CYP4Z1: variants seen among roughly 807,000 people sequenced by gnomAD.
CYP4Z1 encodes the protein cytochrome P450 4Z1.
A neutral mutation model predicts 54.2 loss-of-function variants in CYP4Z1; 41 were observed. The observed-to-expected ratio is 0.76, with a 90% CI of 0.59 to 0.98. The LOEUF is 0.98. Among genes scored for constraint, CYP4Z1 ranks in the 50% least tolerant of loss-of-function variants. The probability of loss-of-function intolerance (pLI) is 0.00; values close to 1 mark genes in which losing one functional copy is unlikely to be tolerated. For missense variants in CYP4Z1, 513 were observed against 599.0 expected (o/e 0.86, Z 1.50); for synonymous variants, 163 against 206.2 (o/e 0.79, Z 1.79).
At chr1:47,115,197 C>A (rs1644820892) in intron 9 of CYP4Z1, among the ~76,000 whole-genome samples, 1 of 151,628 alleles carries the variant, frequency 6.6e-6, no homozygotes, top group Admixed American at 6.6e-5. Flanking sequence ...ATCGCAAGGA[C>A]AAAAAACCAA....
intron 6 of CYP4Z1, among the ~76,000 whole-genome samples, chr1:47,094,349 T>A (rs1485668096): frequency 2.0e-5 from 3 of 152,176 alleles, no homozygotes; most frequent in African/African-American, 7.2e-5. Flanking sequence ...CATTTAAACA[T>A]CCTTATTTGA....
chr1:47,098,638 G>A (rs1644698069), intron 7 of CYP4Z1, among the ~76,000 whole-genome samples: 1 of 152,016 alleles, frequency 6.6e-6, no homozygotes, highest in Admixed American at 6.5e-5. Context: ...TAAATCATGA[G>A]CTTTCCCTTT....
chr1:47,057,335 A>AAAAAAAAAATAT, the CYP4Z1 span, among the ~76,000 whole-genome samples: 115 of 28,396 alleles, frequency 4.0e-3, 1 homozygote, highest in Middle Eastern at 0.023. Context: ...AAGAAAAAAA[A>AAAAAAAAAATAT]ATATATATAT....
At chr1:47,073,836 T>C (rs1194779606) in intron 2 of CYP4Z1, among the ~76,000 whole-genome samples, 4 of 152,168 alleles carry the variant, frequency 2.6e-5, no homozygotes, top group Admixed American at 6.5e-5. Flanking sequence ...TAAATATATA[T>C]AGTACACAAG....
At chr1:47,055,548 C>T in the CYP4Z1 span, among the ~76,000 whole-genome samples, 9 of 152,140 alleles carry the variant, frequency 5.9e-5, no homozygotes, top group Non-Finnish European at 1.2e-4. Flanking sequence ...CCATCTGGTC[C>T]TGGACTTTTT....
intron 9 of CYP4Z1, among the ~76,000 whole-genome samples, chr1:47,112,763 A>C (rs1386494934): frequency 2.0e-5 from 3 of 152,094 alleles, no homozygotes; most frequent in Non-Finnish European, 4.4e-5. Flanking sequence ...AAAACAGTGC[A>C]TCATGGCCAA....
rs1041015539 is a variant in CYP4Z1, at chr1:47,067,274, C to T, written c.-217C>T. On this transcript the variant is annotated 5_prime_UTR_variant, in exon 1 of 12. Transcript: ENST00000334194. ...ATGCACATGGCTCCTATCTGAAAAT[C>T]TTGTTCTTCTAGAATCCAGGTCTGC... is the stretch of plus-strand genomic sequence containing the variant. 1.3e-5 allele frequency among the ~76,000 whole-genome samples: 2 copies of T among 152,154 alleles called. No individual in the cohort carries two copies. The highest frequency in any genetic ancestry group is 4.8e-5 in the African/African-American group (2 of 41,448).
At chr1:47,098,926 G>A (rs943199546) in intron 7 of CYP4Z1, among the ~76,000 whole-genome samples, 168 bp from the exon 8 acceptor site, 1 of 152,066 alleles carries the variant, frequency 6.6e-6, no homozygotes, top group African/African-American at 2.4e-5. Flanking sequence ...TACATTGCCT[G>A]GTGTTCTGTT....
intron 10 of CYP4Z1, 82 bp downstream of exon 10, chr1:47,115,675 G>T (rs911036702): frequency 1.1e-4 from 140 of 1,300,932 alleles, no homozygotes; most frequent in Non-Finnish European, 1.4e-4. Flanking sequence ...TGAGAGAGCA[G>T]TTAGGATAAC....
At chr1:47,094,086 T>C (rs1644658889) in intron 6 of CYP4Z1, among the ~76,000 whole-genome samples, 1 of 152,192 alleles carries the variant, frequency 6.6e-6, no homozygotes, top group African/African-American at 2.4e-5. Flanking sequence ...CCTTGTCTTG[T>C]TCCAGTTCTC....
chr1:47,106,741 G>A (rs1175086361), intron 9 of CYP4Z1, among the ~76,000 whole-genome samples: 3 of 152,146 alleles, frequency 2.0e-5, no homozygotes, highest in Non-Finnish European at 2.9e-5. Flanking sequence ...GATGTAGCCA[G>A]ATCATAGAGT....
chr1:47,059,032 A>G, the CYP4Z1 span, among the ~76,000 whole-genome samples: 1,435 of 152,308 alleles, frequency 9.4e-3, 11 homozygotes, highest in African/African-American at 0.032. Flanking sequence ...AAAGGCTAAT[A>G]TAATACAATA....
At chr1:47,057,359 T>C in the CYP4Z1 span, among the ~76,000 whole-genome samples, 2 of 109,550 alleles carry the variant, frequency 1.8e-5, no homozygotes, top group Non-Finnish European at 3.7e-5. Flanking sequence ...TATATATATA[T>C]ATATATATAT....
At chr1:47,067,955 C>T (rs1644462660) in intron 1 of CYP4Z1, among the ~76,000 whole-genome samples, 1 of 152,160 alleles carries the variant, frequency 6.6e-6, no homozygotes, top group Admixed American at 6.5e-5. Context: ...AGGCCAAGGT[C>T]TTTACTATTC....
intron 1 of CYP4Z1, 97 bp from the exon 2 acceptor site, chr1:47,068,525 C>T: frequency 6.8e-7 from 1 of 1,480,160 alleles, no homozygotes; most frequent in Admixed American, 1.9e-5. Context: ...GGGGTGGTGT[C>T]CACAGATCCT....
At chr1:47,061,977 G>A in the CYP4Z1 span, among the ~76,000 whole-genome samples, 1 of 152,088 alleles carries the variant, frequency 6.6e-6, no homozygotes, top group African/African-American at 2.4e-5. Context: ...TGATAAAATT[G>A]GACATCACTT....
At chr1:47,059,917 C>T in the CYP4Z1 span, among the ~76,000 whole-genome samples, 1 of 152,136 alleles carries the variant, frequency 6.6e-6, no homozygotes, top group African/African-American at 2.4e-5. Flanking sequence ...CTTTTACTTG[C>T]TCATTATGTG....
chr1:47,074,439 G>T (rs1190912086), intron 2 of CYP4Z1, among the ~76,000 whole-genome samples: 2 of 151,914 alleles, frequency 1.3e-5, no homozygotes, highest in South Asian at 4.2e-4. Flanking sequence ...ATTCACTTAG[G>T]ATAATGTCCT....
At chr1:47,065,262 G>A (rs141175884), upstream of CYP4Z1, among the ~76,000 whole-genome samples, 41 of 152,072 alleles carry the variant, frequency 2.7e-4, no homozygotes, top group East Asian at 7.7e-3. Flanking sequence ...CATTCTCCAA[G>A]ATAAACCATA....
Sources: allele counts gnomAD v4.1 joint callset (sites outside exome capture counted in the v4.1 genomes callset), GRCh38; gene constraint gnomAD v4.1.1; transcripts MANE v1.5; gene names NCBI Gene and HGNC (gene_info 2026-07-23, HGNC 2026-07-21).